OVCH1: variants seen among roughly 807,000 people sequenced by gnomAD.
The protein encoded by OVCH1 is ovochymase 1, also known as ovochymase-1.
OVCH1 carries 139 observed loss-of-function variants against 138.4 expected under a neutral mutation model. The ratio of observed to expected loss-of-function variants is 1.00; its 90% CI spans 0.87 to 1.16. The LOEUF is 1.16. Ranked by LOEUF, OVCH1 falls within the 50% of genes most tolerant of loss-of-function variation. The pLI is 0.00. For synonymous variants in OVCH1, 453 were observed against 467.8 expected (o/e 0.97, Z 0.41); for missense variants, 1,367 against 1,357.9 (o/e 1.01, Z -0.11).
At chr12:29,491,222 T>C (rs1175913055) in intron 4 of OVCH1, 30 bp from the exon 5 acceptor site, 2 of 1,534,198 alleles carry the variant, frequency 1.3e-6, no homozygotes, top group African/African-American at 1.4e-5. Context: ...ATGAGGTTCA[T>C]GGATAAATAC....
At chr12:29,451,606 T>A (rs762043801) in intron 21 of OVCH1, 37 bp from the exon 22 acceptor site, 2 of 1,509,646 alleles carry the variant, frequency 1.3e-6, no homozygotes, top group East Asian at 2.3e-5. Context: ...GGGACCAACA[T>A]AAATAAAGCA....
chr12:29,423,275 C>A (rs1941130397), downstream of OVCH1: 1 of 455,728 alleles, frequency 2.2e-6, no homozygotes, highest in African/African-American at 2.0e-5. Flanking sequence ...AAGATAAACT[C>A]TTTCTTGGAG....
chr12:29,466,039 T>C (rs1259577025), intron 16 of OVCH1, among the ~76,000 whole-genome samples: 8 of 137,210 alleles, frequency 5.8e-5, no homozygotes, highest in East Asian at 2.2e-4. Flanking sequence ...TAGGTGGGAA[T>C]TGAATAATGA....
At chr12:29,481,814 T>C (rs1446095618) in intron 8 of OVCH1, among the ~76,000 whole-genome samples, 1 of 152,220 alleles carries the variant, frequency 6.6e-6, no homozygotes, top group Non-Finnish European at 1.5e-5. Context: ...AGTTCTATTC[T>C]TCCAATAGCT....
intron 27 of OVCH1, among the ~76,000 whole-genome samples, chr12:29,429,891 G>A (rs1478310545): frequency 6.6e-6 from 1 of 152,148 alleles, no homozygotes; most frequent in East Asian, 1.9e-4. Context: ...TCCTATCATT[G>A]CTTCTTGGTA....
chr12:29,433,947 G>T (rs1366239315), intron 26 of OVCH1: 1 of 685,364 alleles, frequency 1.5e-6, no homozygotes, highest in African/African-American at 1.9e-5. Flanking sequence ...AAAAAAATGA[G>T]TGTGAATGGA....
intron 27 of OVCH1, among the ~76,000 whole-genome samples, chr12:29,428,739 A>T (rs989166271): frequency 1.3e-5 from 2 of 152,202 alleles, no homozygotes; most frequent in Non-Finnish European, 1.5e-5. Context: ...TCCCTGGAAA[A>T]AGAAAGCATC....
chr12:29,455,013 CAAAAG>C (rs1416458333), intron 20 of OVCH1, 80 bp from the exon 21 acceptor site: 1 of 1,270,472 alleles, frequency 7.9e-7, no homozygotes, highest in African/African-American at 1.5e-5. Flanking sequence ...CAGCCACTAT[CAAAAG>C]AAACAAAAAA....
intron 25 of OVCH1, chr12:29,440,690 C>T: frequency 2.2e-6 from 1 of 455,548 alleles, no homozygotes; most frequent in Non-Finnish European, 4.4e-6. Flanking sequence ...CTGTGGTCTT[C>T]TTGGTGCTGA....
chr12:29,437,344 G>C (rs1360764001), intron 26 of OVCH1, among the ~76,000 whole-genome samples: 1 of 152,126 alleles, frequency 6.6e-6, no homozygotes, highest in Non-Finnish European at 1.5e-5. Flanking sequence ...GAATTGGTTA[G>C]ACCCTTATTT....
intron 22 of OVCH1, among the ~76,000 whole-genome samples, chr12:29,448,642 G>A (rs1030280427): frequency 5.3e-5 from 8 of 152,086 alleles, no homozygotes; most frequent in Non-Finnish European, 8.8e-5. Flanking sequence ...AAAGGGGATG[G>A]AGGAGGTGAT....
At chr12:29,433,140 GCA>G (rs1941298872) in intron 27 of OVCH1, among the ~76,000 whole-genome samples, 1 of 151,980 alleles carries the variant, frequency 6.6e-6, no homozygotes, top group South Asian at 2.1e-4. Context: ...TATTTTTGTT[GCA>G]CACTGTATTT....
intron 8 of OVCH1, among the ~76,000 whole-genome samples, chr12:29,485,887 G>A (rs2136067905): frequency 6.6e-6 from 1 of 151,870 alleles, no homozygotes; most frequent in South Asian, 2.1e-4. Flanking sequence ...AGGTTGCAGT[G>A]AGCAGAGACT....
intron 21 of OVCH1, among the ~76,000 whole-genome samples, chr12:29,454,071 C>T (rs1477777015): frequency 6.6e-6 from 1 of 152,078 alleles, no homozygotes; most frequent in Admixed American, 6.6e-5. Context: ...CCATCTATTC[C>T]CAAACACCTC....
At chr12:29,431,082 T>C (rs1315734132) in intron 27 of OVCH1, among the ~76,000 whole-genome samples, 1 of 152,216 alleles carries the variant, frequency 6.6e-6, no homozygotes, top group Non-Finnish European at 1.5e-5. Context: ...TTATTCTGAT[T>C]ATAAAAGCAA....
In OVCH1 at chr12:29,435,501, G is replaced by A. The variant is rs561509453; in HGVS notation, c.3265-1688C>T. On this transcript the variant is annotated intron_variant, in intron 26 of 27. Transcript: ENST00000318184. ...CCTGCCTCAGCCTCCCGAGCAGCTG[G>A]GACTACAGGCGCCCGCCTAATTTTT... 3.7e-4 allele frequency among the ~76,000 whole-genome samples: 57 copies of A among 152,122 alleles called. No individual in the cohort carries two copies. In the East Asian group the frequency reaches 3.9e-3, roughly 10 times the overall value.
intron 16 of OVCH1, among the ~76,000 whole-genome samples, chr12:29,469,548 G>C (rs976674605): frequency 6.6e-6 from 1 of 152,032 alleles, no homozygotes; most frequent in Non-Finnish European, 1.5e-5. Flanking sequence ...AGACCCATGA[G>C]GCTGGCCTGC....
At chr12:29,491,984 A>T (rs1443106373) in intron 4 of OVCH1, among the ~76,000 whole-genome samples, 1 of 152,208 alleles carries the variant, frequency 6.6e-6, no homozygotes, top group Non-Finnish European at 1.5e-5. Flanking sequence ...TCATGAGTGT[A>T]TATATTTGTG....
chr12:29,434,797 G>A (rs1306336035), intron 26 of OVCH1, among the ~76,000 whole-genome samples: 1 of 152,072 alleles, frequency 6.6e-6, no homozygotes, highest in African/African-American at 2.4e-5. Flanking sequence ...ATAAATTTCT[G>A]CTATATCAAT....
Sources: gnomAD v4.1 joint callset for allele counts (sites outside exome capture counted in the v4.1 genomes callset) on GRCh38, gnomAD v4.1.1 for gene constraint, MANE v1.5 for transcripts, NCBI Gene and HGNC (gene_info 2026-07-23, HGNC 2026-07-21) for gene names.